The following PKIB variants were observed in gnomAD, a reference collection of about 807,000 sequenced individuals.
PKIB encodes PKI-beta.
In PKIB, 2 loss-of-function variants were observed where a neutral mutation model predicts 4.5. That is an observed-to-expected ratio of 0.44 (90% CI 0.18 to 1.39). The LOEUF is 1.39. PKIB is among the 40% of genes most tolerant of loss of function. The pLI, the probability that PKIB is intolerant of heterozygous loss-of-function variation, is 0.27. For synonymous variants in PKIB, 38 were observed against 36.0 expected (o/e 1.06, Z -0.20); for missense variants, 94 against 92.6 (o/e 1.02, Z -0.06).
In PKIB at chr6:122,725,730, T is replaced by A. The variant is rs148670870; in HGVS notation, c.*535T>A. The A allele has an allele frequency of 1.3e-5, 2 of 152,338 alleles. No homozygotes were observed. Among genetic ancestry groups the A allele is most frequent in the Non-Finnish European group, 2.9e-5 (2 of 68,046 alleles). The allele number at this position is 152,338 out of a possible 1,614,324, so 9.4% of individuals were successfully genotyped here. On this transcript the variant is annotated 3_prime_UTR_variant, in exon 5 of 5. Transcript: ENST00000368452. ...AACCTCAAAAACGTCTTGGAAAAAT[T>A]GTAAAAGTTTGATAACAGAAACATC...
chr6:122,721,145 C>A (rs1241596942), intron 4 of PKIB, among the ~76,000 whole-genome samples: 1 of 152,122 alleles, frequency 6.6e-6, no homozygotes, highest in Non-Finnish European at 1.5e-5. Flanking sequence ...AAAGACGGAG[C>A]CTTAGAAGTC....
chr6:122,683,589 A>G (rs138948022), intron 3 of PKIB, among the ~76,000 whole-genome samples: 37 of 152,332 alleles, frequency 2.4e-4, no homozygotes, highest in East Asian at 1.7e-3. Context: ...AATCACATCA[A>G]TAAGGAACTT....
At chr6:122,676,674 A>G (rs187557290) in intron 3 of PKIB, among the ~76,000 whole-genome samples, 266 of 152,274 alleles carry the variant, frequency 1.7e-3, no homozygotes, top group African/African-American at 6.2e-3. Context: ...TTATTATTAT[A>G]TGACATTAAC....
At chr6:122,579,499 C>G (rs1773644449) in intron 2 of PKIB, among the ~76,000 whole-genome samples, 1 of 151,946 alleles carries the variant, frequency 6.6e-6, no homozygotes, top group Non-Finnish European at 1.5e-5. Flanking sequence ...ATTTTCTGTA[C>G]TACATTACAG....
At chr6:122,495,605 C>G (rs1263567008) in intron 2 of PKIB, among the ~76,000 whole-genome samples, 1 of 152,084 alleles carries the variant, frequency 6.6e-6, no homozygotes, top group East Asian at 1.9e-4. Flanking sequence ...ACTGGGGAAA[C>G]TACCTACCCC....
chr6:122,651,613 A>G (rs1776558058), intron 2 of PKIB, among the ~76,000 whole-genome samples: 1 of 152,180 alleles, frequency 6.6e-6, no homozygotes, highest in African/African-American at 2.4e-5. Context: ...AATTTTCAAG[A>G]TCCCATTTGT....
chr6:122,674,709 A>G (rs1427526245), intron 2 of PKIB, among the ~76,000 whole-genome samples: 1 of 152,170 alleles, frequency 6.6e-6, no homozygotes, highest in Non-Finnish European at 1.5e-5. Context: ...AGGTGGTATC[A>G]TGCCAAATAT....
At chr6:122,546,826 C>T (rs1366351888) in intron 2 of PKIB, among the ~76,000 whole-genome samples, 1 of 151,812 alleles carries the variant, frequency 6.6e-6, no homozygotes, top group Non-Finnish European at 1.5e-5. Context: ...ACTATGGGGA[C>T]AAAAGGATAC....
chr6:122,719,987 T>G (rs1225451534), intron 4 of PKIB, among the ~76,000 whole-genome samples: 2 of 152,210 alleles, frequency 1.3e-5, no homozygotes, highest in Admixed American at 1.3e-4. Context: ...GTAAGCAGTT[T>G]GAAGGCTTAT....
At chr6:122,516,066 A>G (rs1044159910) in intron 2 of PKIB, among the ~76,000 whole-genome samples, 2 of 152,166 alleles carry the variant, frequency 1.3e-5, no homozygotes, top group African/African-American at 4.8e-5. Context: ...ATGTCAGCTA[A>G]AAAAGCTATA....
intron 3 of PKIB, among the ~76,000 whole-genome samples, chr6:122,715,515 G>T (rs1779451599): frequency 6.6e-6 from 1 of 151,804 alleles, no homozygotes; most frequent in Admixed American, 6.6e-5. Flanking sequence ...TGTACCATGG[G>T]AGGGCTCACA....
intron 2 of PKIB, among the ~76,000 whole-genome samples, chr6:122,524,675 A>G (rs1284373311): frequency 6.6e-6 from 1 of 151,598 alleles, no homozygotes; most frequent in Non-Finnish European, 1.5e-5. Flanking sequence ...GCCTGTTCAG[A>G]TTTTCTATTT....
rs1775101984 is a variant in PKIB, at chr6:122,618,939, A to G, written c.-161+8404A>G. Among the ~76,000 whole-genome samples, 4 of 152,136 alleles carry G rather than the reference A, an allele frequency of 2.6e-5. No individual in the cohort carries two copies. In the South Asian group the frequency reaches 8.3e-4, roughly 31 times the overall value. ...AGTTTACATTCAAAATAATACTTTTACTAACATACTAATACAGTTTCAAAA... is the reference window on the plus strand; with the variant it reads ...AGTTTACATTCAAAATAATACTTTTGCTAACATACTAATACAGTTTCAAAA... On this transcript the variant is annotated intron_variant, in intron 1 of 4. Transcript: ENST00000368452.
At position 122,672,374 on chromosome 6, in the gene PKIB, A is replaced by G. The variant is rs572016296; in HGVS notation, c.-75-2704A>G. On this transcript the variant is annotated intron_variant, in intron 2 of 4. Transcript: ENST00000368452. ...AATAGTTTGAAAATGATTGAACTAAATGACATTCAACATCTCTGCTAATTC... is the reference window on the plus strand; with the variant it reads ...AATAGTTTGAAAATGATTGAACTAAGTGACATTCAACATCTCTGCTAATTC... 5.3e-5 allele frequency among the ~76,000 whole-genome samples: 8 copies of G among 152,332 alleles called. No individual in the cohort carries two copies. The South Asian group carries it at 1.7e-3, about 32-fold the overall frequency.
chr6:122,540,978 G>C (rs1582686334), intron 2 of PKIB, among the ~76,000 whole-genome samples: 2 of 149,910 alleles, frequency 1.3e-5, no homozygotes, highest in African/African-American at 2.5e-5. Flanking sequence ...TTTAAAGTCT[G>C]TTTTATCAGA....
At chr6:122,536,752 A>G (rs766269236) in intron 2 of PKIB, among the ~76,000 whole-genome samples, 5 of 152,024 alleles carry the variant, frequency 3.3e-5, no homozygotes. Flanking sequence ...CATTAATAAT[A>G]ATAATATTAA....
chr6:122,544,864 A>C (rs527849990), intron 2 of PKIB, among the ~76,000 whole-genome samples: 3 of 150,802 alleles, frequency 2.0e-5, no homozygotes, highest in South Asian at 4.2e-4. Context: ...GAAGACATAC[A>C]TGTGGCAAAC....
intron 2 of PKIB, among the ~76,000 whole-genome samples, chr6:122,500,818 C>G (rs1019941030): frequency 2.0e-5 from 3 of 152,162 alleles, no homozygotes; most frequent in African/African-American, 7.2e-5. Flanking sequence ...CTGGGGAAGA[C>G]TCAGGAAATT....
Position 122,494,862 on chromosome 6 carries a change from C to T in PKIB, c.-248+16923C>T, listed in dbSNP as rs773472227. On this transcript the variant is annotated intron_variant, in intron 2 of 6. Transcript: ENST00000392491. ...GTCCCCAGAGGATCCACACTTCCTC[C>T]GTGAACCTTGCAATCCTGGGCATGG... 9.9e-5 allele frequency among the ~76,000 whole-genome samples: 15 copies of T among 152,180 alleles called. 1 individual carries two copies. The South Asian group carries it at 1.4e-3, about 15-fold the overall frequency.
Sources: allele counts gnomAD v4.1 joint callset (sites outside exome capture counted in the v4.1 genomes callset), GRCh38; gene constraint gnomAD v4.1.1; transcripts MANE v1.5; gene names NCBI Gene and HGNC (gene_info 2026-07-23, HGNC 2026-07-21).